MCU: variants seen among roughly 807,000 people sequenced by gnomAD.
The protein encoded by MCU is mitochondrial calcium uniporter.
A neutral mutation model predicts 45.2 loss-of-function variants in MCU; 12 were observed. The observed-to-expected ratio is 0.27, with a 90% confidence interval of 0.17 to 0.43. The LOEUF (loss-of-function observed/expected upper bound fraction) is 0.43, where lower values mean the gene tolerates loss of function less well. Among genes scored for constraint, MCU ranks in the 20% least tolerant of loss-of-function variants. The pLI, the probability that MCU is intolerant of heterozygous loss-of-function variation, is 1.00. For missense variants in MCU, 324 were observed against 436.7 expected (o/e 0.74, Z 2.30); for synonymous variants, 160 against 165.1 (o/e 0.97, Z 0.24).
chr10:72,749,411 A>G (rs1234949624), intron 1 of MCU, among the ~76,000 whole-genome samples: 4 of 152,230 alleles, frequency 2.6e-5, no homozygotes, highest in Admixed American at 2.6e-4. Flanking sequence ...TAGAGTGTGA[A>G]GCTATTTATA....
chr10:72,795,938 C>T (rs1844236913), intron 1 of MCU, among the ~76,000 whole-genome samples: 3 of 151,912 alleles, frequency 2.0e-5, no homozygotes, highest in African/African-American at 2.4e-5. Flanking sequence ...GCCGAGGTTG[C>T]AGTCAGCTGA....
intron 6 of MCU, among the ~76,000 whole-genome samples, chr10:72,882,625 G>C (rs966390623): frequency 1.3e-5 from 2 of 152,152 alleles, no homozygotes; most frequent in African/African-American, 2.4e-5. Flanking sequence ...CAGACCAGTT[G>C]CTCTCAAACC....
intron 1 of MCU, among the ~76,000 whole-genome samples, chr10:72,696,103 A>C (rs1842682848): frequency 7.3e-6 from 1 of 137,468 alleles, no homozygotes; most frequent in African/African-American, 2.8e-5. Flanking sequence ...CGGAGGTTGT[A>C]GTGAGCCAAG....
At chr10:72,712,936 G>A (rs1267268216) in intron 1 of MCU, among the ~76,000 whole-genome samples, 1 of 152,162 alleles carries the variant, frequency 6.6e-6, no homozygotes, top group Non-Finnish European at 1.5e-5. Context: ...AACCAGAAAT[G>A]CTGAGGCAGC....
chr10:72,812,496 A>G (rs1413982800), intron 1 of MCU, among the ~76,000 whole-genome samples: 1 of 152,210 alleles, frequency 6.6e-6, no homozygotes, highest in East Asian at 1.9e-4. Context: ...CAGTGGGCAG[A>G]GCAAAAGAGT....
At chr10:72,705,675 G>T (rs1842810149) in intron 1 of MCU, among the ~76,000 whole-genome samples, 1 of 152,146 alleles carries the variant, frequency 6.6e-6, no homozygotes. Context: ...AAAATTAGCT[G>T]GGTGTGGTGG....
At chr10:72,836,729 A>G (rs1844961218) in intron 2 of MCU, among the ~76,000 whole-genome samples, 1 of 152,222 alleles carries the variant, frequency 6.6e-6, no homozygotes, top group African/African-American at 2.4e-5. Context: ...AAACTAATTC[A>G]TATTAGTTAT....
chr10:72,855,275 A>G (rs1589497947), intron 2 of MCU, among the ~76,000 whole-genome samples: 1 of 152,220 alleles, frequency 6.6e-6, no homozygotes, highest in South Asian at 2.1e-4. Context: ...GGTATATTTA[A>G]TAAGTCAATA....
intron 1 of MCU, among the ~76,000 whole-genome samples, chr10:72,771,002 A>G (rs1843798842): frequency 6.6e-6 from 1 of 152,130 alleles, no homozygotes; most frequent in South Asian, 2.1e-4. Flanking sequence ...CTAGCAAGAA[A>G]TTCTTTCAGT....
intron 1 of MCU, among the ~76,000 whole-genome samples, chr10:72,743,090 C>T (rs1409857375): frequency 6.6e-6 from 1 of 151,596 alleles, no homozygotes; most frequent in African/African-American, 2.4e-5. Context: ...TGGCATTGCC[C>T]CGTCATTCAC....
chr10:72,719,653 CAG>C (rs1189600652), intron 1 of MCU, among the ~76,000 whole-genome samples: 1 of 152,176 alleles, frequency 6.6e-6, no homozygotes, highest in African/African-American at 2.4e-5. Flanking sequence ...TCTTCCCAAA[CAG>C]AGCTCTTTTT....
At chr10:72,704,687 A>G (rs1016898167) in intron 1 of MCU, among the ~76,000 whole-genome samples, 6 of 143,814 alleles carry the variant, frequency 4.2e-5, no homozygotes, top group Non-Finnish European at 9.1e-5. Flanking sequence ...ACAGGCATGC[A>G]CTGTCATGCC....
At chr10:72,824,372 ATTTTT>A (rs66765142) in intron 1 of MCU, among the ~76,000 whole-genome samples, 5 of 133,718 alleles carry the variant, frequency 3.7e-5, no homozygotes, top group African/African-American at 1.2e-4. Context: ...AATTTTTTGT[ATTTTT>A]TTTTTTTTTT....
At chr10:72,866,068 C>G (rs181177726) in intron 4 of MCU, among the ~76,000 whole-genome samples, 1 of 152,030 alleles carries the variant, frequency 6.6e-6, no homozygotes, top group Non-Finnish European at 1.5e-5. Flanking sequence ...TGAGCCACCA[C>G]GCCCGGCCTT....
chr10:72,796,453 C>A lies in MCU; in HGVS notation c.151-37906C>A, dbSNP rs560800131. ...CCACAATAACAACAACAACAAAAAACCTTTAAAACAACAATTAAGGAGATA... is the reference window on the plus strand; with the variant it reads ...CCACAATAACAACAACAACAAAAAAACTTTAAAACAACAATTAAGGAGATA... On this transcript the variant is annotated intron_variant, in intron 1 of 7. Transcript: ENST00000373053. 9.6e-4 allele frequency among the ~76,000 whole-genome samples: 146 copies of A among 152,218 alleles called. 1 individual carries two copies. Among genetic ancestry groups the A allele is most frequent in the African/African-American group, 3.1e-3 (128 of 41,524 alleles).
intron 1 of MCU, among the ~76,000 whole-genome samples, chr10:72,805,101 C>CTTTCTCTCTCTTTCTT (rs1554824914): frequency 9.7e-6 from 1 of 103,398 alleles, no homozygotes; most frequent in African/African-American, 4.3e-5. Context: ...TTCTTTCTTT[C>CTTTCTCTCTCTTTCTT]TCTTTCTTTC....
At chr10:72,795,998 A>G (rs918548566) in intron 1 of MCU, among the ~76,000 whole-genome samples, 14 of 151,974 alleles carry the variant, frequency 9.2e-5, no homozygotes, top group African/African-American at 3.1e-4. Flanking sequence ...ACTCCATCTC[A>G]ATGAAAAAAA....
intron 4 of MCU, 57 bp downstream of exon 4, chr10:72,860,584 C>CT: frequency 1.4e-6 from 2 of 1,395,392 alleles, no homozygotes; most frequent in South Asian, 2.4e-5. Context: ...TTGGAAATAA[C>CT]TTTATTTTTT....
At chr10:72,816,343 G>C (rs1039134372) in intron 1 of MCU, among the ~76,000 whole-genome samples, 4 of 152,120 alleles carry the variant, frequency 2.6e-5, no homozygotes, top group Non-Finnish European at 5.9e-5. Flanking sequence ...ATAAAGATGA[G>C]ATTTATTCAG....
Sources: allele counts gnomAD v4.1 joint callset (sites outside exome capture counted in the v4.1 genomes callset), GRCh38; gene constraint gnomAD v4.1.1; transcripts MANE v1.5; gene names NCBI Gene and HGNC (gene_info 2026-07-23, HGNC 2026-07-21).